The following COL22A1 variants were observed in gnomAD, a reference collection of about 807,000 sequenced individuals.
COL22A1 encodes the protein collagen type XXII alpha 1 chain.
A neutral mutation model predicts 248.9 loss-of-function variants in COL22A1; 221 were observed. The observed-to-expected ratio is 0.89, with a 90% CI of 0.80 to 0.99. COL22A1 has a LOEUF of 0.99. Among genes scored for constraint, COL22A1 ranks in the 50% least tolerant of loss-of-function variants. COL22A1 has a pLI of 0.00. For synonymous variants in COL22A1, 891 were observed against 793.4 expected (o/e 1.12, Z -2.07); for missense variants, 2,240 against 2,179.0 (o/e 1.03, Z -0.56).
chr8:138,594,327 G>A (rs1440157861), intron 62 of COL22A1, 128 bp from the exon 63 acceptor site: 9 of 714,184 alleles, frequency 1.3e-5, no homozygotes, highest in Non-Finnish European at 1.7e-5. Context: ...AGGACAGGAT[G>A]GCTACTCACT....
intron 52 of COL22A1, chr8:138,620,416 A>G (rs1289906560): frequency 6.6e-6 from 1 of 152,054 alleles, no homozygotes; most frequent in African/African-American, 2.4e-5. Flanking sequence ...TTAGAAAAAA[A>G]AAAAAAACTA....
At chr8:138,643,377 G>A (rs1028212162) in intron 47 of COL22A1, among the ~76,000 whole-genome samples, 3 of 152,158 alleles carry the variant, frequency 2.0e-5, no homozygotes, top group African/African-American at 7.2e-5. Context: ...GATGTCTTAA[G>A]CTGTCAGCTA....
chr8:138,797,243 C>T (rs1037041599), intron 11 of COL22A1, among the ~76,000 whole-genome samples: 4 of 152,178 alleles, frequency 2.6e-5, no homozygotes, highest in African/African-American at 7.2e-5. Context: ...TATCTATTAG[C>T]AATGACTCCA....
chr8:138,817,248 G>A (rs1818751709), intron 7 of COL22A1, among the ~76,000 whole-genome samples: 1 of 152,206 alleles, frequency 6.6e-6, no homozygotes, highest in South Asian at 2.1e-4. Flanking sequence ...GTTATCAAGG[G>A]TGTTACCACT....
chr8:138,628,983 A>C (rs1587711378), intron 50 of COL22A1, among the ~76,000 whole-genome samples: 1 of 146,590 alleles, frequency 6.8e-6, no homozygotes, highest in Non-Finnish European at 1.5e-5. Context: ...CTGATCTTGA[A>C]CTCCTGACCT....
intron 39 of COL22A1, among the ~76,000 whole-genome samples, chr8:138,682,290 A>G (rs1331862533): frequency 6.6e-6 from 1 of 152,232 alleles, no homozygotes; most frequent in Non-Finnish European, 1.5e-5. Flanking sequence ...TCAGCTCTGG[A>G]GAAGTGCCAG....
chr8:138,688,895 T>G, intron 37 of COL22A1, 22 bp downstream of exon 37: 2 of 1,604,642 alleles, frequency 1.2e-6, no homozygotes, highest in Non-Finnish European at 1.7e-6. Flanking sequence ...ACTTGTGTGC[T>G]GAGAGATCAT....
intron 57 of COL22A1, 46 bp from the exon 58 acceptor site, chr8:138,606,498 A>G (rs972829416): frequency 2.5e-6 from 4 of 1,581,416 alleles, no homozygotes; most frequent in Non-Finnish European, 3.5e-6. Flanking sequence ...TCACGTACCA[A>G]CTCAAGCAGA....
intron 27 of COL22A1, among the ~76,000 whole-genome samples, chr8:138,717,510 G>A (rs1261303924): frequency 6.6e-6 from 1 of 152,054 alleles, no homozygotes; most frequent in African/African-American, 2.4e-5. Flanking sequence ...CTGTCACCCA[G>A]GCTAGTACAG....
chr8:138,841,674 G>A (rs184062394), intron 4 of COL22A1, among the ~76,000 whole-genome samples: 1 of 152,302 alleles, frequency 6.6e-6, no homozygotes, highest in African/African-American at 2.4e-5. Context: ...TAGAAAGACA[G>A]CCCTTGACGA....
Position 138,722,079 on chromosome 8 carries a change from C to A in COL22A1, c.2258G>T (p.Gly753Val). ...PGPPGPTGPP[G>V]KDGPNGPPGP... ...TGGTGGTCCATTTGGCCCGTCCTTT[C>A]CAGGGGGTCCCTGGGCCAAGAGGGG... is the stretch of plus-strand genomic sequence containing the variant. The change falls in exon 26 of 65, where the codon GGA becomes GTA. Residue 753 changes from glycine to valine, a missense_variant. By Grantham distance (109) the Gly-to-Val change is moderately radical. Transcript: ENST00000303045. 6.3e-7 allele frequency: 1 copy of A among 1,583,046 alleles called. No homozygotes were observed. Among genetic ancestry groups the A allele is most frequent in the South Asian group, 1.2e-5 (1 of 86,420 alleles).
At chr8:138,605,150 G>T (rs1289762762) in intron 58 of COL22A1, among the ~76,000 whole-genome samples, 1 of 152,190 alleles carries the variant, frequency 6.6e-6, no homozygotes, top group African/African-American at 2.4e-5. Context: ...TCAATTCTTG[G>T]CTCCTCCACT....
chr8:138,778,001 C>T (rs1054069), intron 15 of COL22A1: 5 of 360,458 alleles, frequency 1.4e-5, no homozygotes, highest in South Asian at 2.4e-5. Flanking sequence ...TAGACTCCAC[C>T]CTTCTTACAA....
At chr8:138,607,111 C>T (rs915118489) in intron 57 of COL22A1, among the ~76,000 whole-genome samples, 11 of 152,152 alleles carry the variant, frequency 7.2e-5, no homozygotes, top group Admixed American at 3.3e-4. Context: ...CCGAGTTTGC[C>T]TGGAACCAGT....
At chr8:138,611,048 A>T (rs1818820059) in intron 56 of COL22A1, among the ~76,000 whole-genome samples, 1 of 152,180 alleles carries the variant, frequency 6.6e-6, no homozygotes, top group African/African-American at 2.4e-5. Context: ...CCTGGGCAAC[A>T]CAGTGAGAGC....
intron 4 of COL22A1, among the ~76,000 whole-genome samples, chr8:138,836,586 C>A (rs9650564): frequency 1.3e-5 from 2 of 151,942 alleles, no homozygotes; most frequent in Non-Finnish European, 2.9e-5. Flanking sequence ...GATAAACATG[C>A]GGCATGGACA....
chr8:138,725,679 T>C (rs918825423), intron 23 of COL22A1, among the ~76,000 whole-genome samples: 1 of 152,214 alleles, frequency 6.6e-6, no homozygotes, highest in Admixed American at 6.5e-5. Flanking sequence ...TCGCCTGTAA[T>C]ATTATCTATT....
At chr8:138,670,859 G>C (rs568429947) in intron 41 of COL22A1, among the ~76,000 whole-genome samples, 1 of 151,076 alleles carries the variant, frequency 6.6e-6, no homozygotes, top group Non-Finnish European at 1.5e-5. Context: ...TACTCAGGAG[G>C]CTGAGGTGGG....
chr8:138,696,512 G>A (rs139426494), intron 32 of COL22A1, among the ~76,000 whole-genome samples: 2 of 152,298 alleles, frequency 1.3e-5, no homozygotes, highest in East Asian at 3.9e-4. Flanking sequence ...TCTACTAAGG[G>A]TTTCATGCTA....
Sources: gnomAD v4.1 joint callset for allele counts (sites outside exome capture counted in the v4.1 genomes callset) on GRCh38, gnomAD v4.1.1 for gene constraint, MANE v1.5 for transcripts, NCBI Gene and HGNC (gene_info 2026-07-23, HGNC 2026-07-21) for gene names.